Variants in CPO observed in about 807,000 individuals in gnomAD.
CPO encodes the protein metallocarboxypeptidase C.
In CPO, 43 loss-of-function variants were observed where a neutral mutation model predicts 41.2. That is an observed-to-expected ratio of 1.04 (90% CI 0.82 to 1.35). The LOEUF (loss-of-function observed/expected upper bound fraction) is 1.35, where lower values mean the gene tolerates loss of function less well. Ranked by LOEUF, CPO falls within the 40% of genes most tolerant of loss-of-function variation. The probability of loss-of-function intolerance (pLI) is 0.00; values close to 1 mark genes in which losing one functional copy is unlikely to be tolerated. For synonymous variants in CPO, 178 were observed against 162.7 expected (o/e 1.09, Z -0.72); for missense variants, 408 against 451.7 (o/e 0.90, Z 0.88).
Position 206,949,636 on chromosome 2 carries a change from C to A in CPO, c.88C>A (p.Gln30Lys). 2 of 1,613,246 alleles carry A rather than the reference C, an allele frequency of 1.2e-6. No individual in the cohort carries two copies. The highest frequency in any genetic ancestry group is 8.5e-7 in the Non-Finnish European group (1 of 1,179,334). ...GYDRSLAQHRQEIVDKSVSPW... is the reference protein window; with the variant it reads ...GYDRSLAQHRKEIVDKSVSPW... Reference sequence around the variant, plus strand: ...TTGCAGATCCTTAGCCCAACACAGACAAGAGATTGTGGACAAGTCAGTGAG... The same window carrying A: ...TTGCAGATCCTTAGCCCAACACAGAAAAGAGATTGTGGACAAGTCAGTGAG... Residue 30 changes from glutamine to lysine, a missense_variant, in exon 2 of 9, where the codon CAA (glutamine) becomes AAA (lysine). By Grantham distance (53) the Gln-to-Lys change is moderately conservative. Transcript: ENST00000272852.
chr2:206,955,703 C>G (rs1298132413), intron 3 of CPO, 139 bp downstream of exon 3: 12 of 635,826 alleles, frequency 1.9e-5, no homozygotes, highest in Non-Finnish European at 5.7e-6. Flanking sequence ...AAATGGGGCT[C>G]TTAAAGTTCA....
At chr2:206,952,886 G>A (rs1693291647) in intron 2 of CPO, among the ~76,000 whole-genome samples, 1 of 152,172 alleles carries the variant, frequency 6.6e-6, no homozygotes, top group African/African-American at 2.4e-5. Flanking sequence ...GAATGTGAAG[G>A]AGGAGCAAAG....
At chr2:206,956,415 TCAG>T (rs55661715) in intron 3 of CPO, among the ~76,000 whole-genome samples, 1 of 151,158 alleles carries the variant, frequency 6.6e-6, no homozygotes, top group African/African-American at 2.4e-5. Flanking sequence ...ATCATCATCA[TCAG>T]CAGCAGCAGC....
rs1260832034 is a variant in CPO, at chr2:206,949,728, A to C, written c.165+15A>C. ...CCATGGGAGAGGTAAGGAAGGACAC[A>C]TGGCAGGAGGTTGGTGGTTGTCACA... On this transcript the variant is annotated intron_variant, in intron 2 of 8. Coordinates refer to ENST00000272852, the MANE Select transcript of CPO (RefSeq NM_173077.3). 1 of 1,558,752 alleles carries C rather than the reference A, an allele frequency of 6.4e-7. No individual in the cohort carries two copies. Among genetic ancestry groups the C allele is most frequent in the East Asian group, 2.2e-5 (1 of 44,544 alleles).
In CPO at chr2:206,969,405, G is replaced by A. The variant is rs781624680; in HGVS notation, c.1094G>A (p.Gly365Asp). The A allele has an allele frequency of 2.5e-6, 4 of 1,614,082 alleles. No individual in the cohort carries two copies. The highest frequency in any genetic ancestry group is 1.6e-4 in the Middle Eastern group (1 of 6,062). Residue 365 changes from glycine to aspartate, a missense_variant, in exon 9 of 9, where the codon GGC (glycine) becomes GAC (aspartate). By Grantham distance (94) the Gly-to-Asp change is moderately conservative. Transcript: ENST00000272852. ...GRVTSATMLL[G>D]LLVSCMSLL Reference sequence around the variant, plus strand: ...GTGACATCTGCCACTATGCTGCTGGGCCTGCTGGTGTCCTGCATGTCTCTT... The same window carrying A: ...GTGACATCTGCCACTATGCTGCTGGACCTGCTGGTGTCCTGCATGTCTCTT...
At chr2:206,951,484 A>G (rs1008325681) in intron 2 of CPO, among the ~76,000 whole-genome samples, 6 of 152,234 alleles carry the variant, frequency 3.9e-5, no homozygotes, top group African/African-American at 1.4e-4. Context: ...TGCCCTTCAA[A>G]TGACCTTTAC....
At chr2:206,955,731 T>A (rs1693346596) in intron 3 of CPO, among the ~76,000 whole-genome samples, 167 bp downstream of exon 3, 1 of 152,180 alleles carries the variant, frequency 6.6e-6, no homozygotes, top group Admixed American at 6.5e-5. Flanking sequence ...TAGATGCTCT[T>A]GCCTTAATTA....
At chr2:206,948,934 G>T (rs1003575401) in intron 1 of CPO, among the ~76,000 whole-genome samples, 2 of 152,158 alleles carry the variant, frequency 1.3e-5, no homozygotes, top group Non-Finnish European at 2.9e-5. Context: ...CTGTTGTGTG[G>T]GATGTCTATA....
intron 1 of CPO, among the ~76,000 whole-genome samples, chr2:206,943,718 G>GATA (rs1693078782): frequency 3.2e-5 from 2 of 63,052 alleles, no homozygotes; most frequent in African/African-American, 6.2e-5. Flanking sequence ...ATAGATAGAT[G>GATA]ATGGATAGAT....
intron 1 of CPO, among the ~76,000 whole-genome samples, chr2:206,943,702 A>T (rs1559068285): frequency 7.1e-6 from 1 of 141,752 alleles, no homozygotes; most frequent in South Asian, 2.2e-4. Context: ...ATAGATAGAT[A>T]GATAGATAGA....
At chr2:206,952,609 A>T (rs1297921233) in intron 2 of CPO, among the ~76,000 whole-genome samples, 1 of 152,204 alleles carries the variant, frequency 6.6e-6, no homozygotes, top group Non-Finnish European at 1.5e-5. Context: ...GTAGCACAAC[A>T]TAAGACTTGT....
intron 4 of CPO, among the ~76,000 whole-genome samples, chr2:206,958,735 T>G (rs112839371): frequency 0.015 from 2,071 of 139,524 alleles, 50 homozygotes; most frequent in African/African-American, 0.052. Context: ...CTAGTTTTTT[T>G]TTTTTTTTTT....
chr2:206,968,206 G>T lies in CPO; in HGVS notation c.778-57G>T. 2.6e-6 allele frequency: 3 copies of T among 1,171,478 alleles called. No homozygotes were observed. The South Asian group carries it at 3.7e-5, about 14-fold the overall frequency. The allele number at this position is 1,171,478 out of a possible 1,614,324, so 72.6% of individuals were successfully genotyped here. ...AATCTGGACAAAACACCAAATGGTTGGATTGTTGGATTTATTTTAAACACC... is the reference window on the plus strand; with the variant it reads ...AATCTGGACAAAACACCAAATGGTTTGATTGTTGGATTTATTTTAAACACC... On this transcript the variant is annotated intron_variant, in intron 7 of 8. Transcript: ENST00000272852.
intron 5 of CPO, among the ~76,000 whole-genome samples, chr2:206,960,492 TC>T (rs1392691509): frequency 1.3e-5 from 2 of 152,232 alleles, no homozygotes; most frequent in African/African-American, 4.8e-5. Flanking sequence ...TCAAGCTATT[TC>T]CCTTTCATCC....
intron 1 of CPO, among the ~76,000 whole-genome samples, chr2:206,940,295 A>T (rs1693003753): frequency 6.6e-6 from 1 of 152,048 alleles, no homozygotes; most frequent in Non-Finnish European, 1.5e-5. Flanking sequence ...ATCTTTAATT[A>T]TTTCTCTAAG....
At chr2:206,953,630 G>T (rs960335576) in intron 2 of CPO, among the ~76,000 whole-genome samples, 92 of 152,324 alleles carry the variant, frequency 6.0e-4, no homozygotes, top group Admixed American at 2.5e-3. Flanking sequence ...AGCTGTCAGT[G>T]GATCTACCAT....
intron 2 of CPO, among the ~76,000 whole-genome samples, chr2:206,954,102 G>T (rs190992919): frequency 6.6e-6 from 1 of 152,312 alleles, no homozygotes; most frequent in Non-Finnish European, 1.5e-5. Flanking sequence ...AGGGGCTGCT[G>T]TGAAGGTCTC....
chr2:206,949,604 C>T lies in CPO; in HGVS notation c.69-13C>T. 1.9e-6 allele frequency: 3 copies of T among 1,602,820 alleles called. No individual in the cohort carries two copies. The highest frequency in any genetic ancestry group is 8.5e-7 in the Non-Finnish European group (1 of 1,170,072). Reference sequence around the variant, plus strand: ...TCACCACTGCTTTTCCTCTTACTTTCTTCCCTTTGCAGATCCTTAGCCCAA... The same window carrying T: ...TCACCACTGCTTTTCCTCTTACTTTTTTCCCTTTGCAGATCCTTAGCCCAA... On this transcript the variant is annotated splice_polypyrimidine_tract_variant and intron_variant, in intron 1 of 8. Transcript: ENST00000272852.
At chr2:206,960,138 A>G (rs1238692112) in intron 5 of CPO, among the ~76,000 whole-genome samples, 1 of 152,166 alleles carries the variant, frequency 6.6e-6, no homozygotes, top group African/African-American at 2.4e-5. Context: ...ACCAGCCTAC[A>G]TTTTTCAATG....
Sources: gnomAD v4.1 joint callset for allele counts (sites outside exome capture counted in the v4.1 genomes callset) on GRCh38, gnomAD v4.1.1 for gene constraint, MANE v1.5 for transcripts, NCBI Gene and HGNC (gene_info 2026-07-23, HGNC 2026-07-21) for gene names.